MANBA: variants seen among roughly 807,000 people sequenced by gnomAD.
MANBA encodes the protein mannosidase beta.
A neutral mutation model predicts 111.1 loss-of-function variants in MANBA; 83 were observed. That is an observed-to-expected ratio of 0.75 (90% confidence interval 0.63 to 0.90). The LOEUF (loss-of-function observed/expected upper bound fraction) is 0.90, where lower values mean the gene tolerates loss of function less well. MANBA is among the 40% of genes least tolerant of loss of function. The pLI, the probability that MANBA is intolerant of heterozygous loss-of-function variation, is 0.00. For missense variants in MANBA, 1,036 were observed against 1,069.0 expected (o/e 0.97, Z 0.43); for synonymous variants, 370 against 378.7 (o/e 0.98, Z 0.27).
chr4:102,714,400 G>C (rs775693978), intron 5 of MANBA, 38 bp downstream of exon 5: 2 of 1,562,192 alleles, frequency 1.3e-6, no homozygotes, highest in Non-Finnish European at 1.8e-6. Flanking sequence ...ATAACAAGAA[G>C]ACTCAAAAAG....
intron 16 of MANBA, chr4:102,633,555 CG>C (rs1424158761): frequency 2.5e-6 from 1 of 397,284 alleles, no homozygotes; most frequent in Non-Finnish European, 4.4e-6. Flanking sequence ...ATATTAGCCC[CG>C]AATTAAACAT....
At chr4:102,697,967 C>T (rs1732811246) in intron 5 of MANBA, among the ~76,000 whole-genome samples, 1 of 151,654 alleles carries the variant, frequency 6.6e-6, no homozygotes, top group Admixed American at 6.6e-5. Context: ...AGTTTACAGT[C>T]CCACCAACAG....
chr4:102,719,715 A>G (rs1302912664), intron 4 of MANBA, among the ~76,000 whole-genome samples: 1 of 152,258 alleles, frequency 6.6e-6, no homozygotes, highest in Non-Finnish European at 1.5e-5. Flanking sequence ...CTATATCTTC[A>G]TATCAGGGAT....
chr4:102,738,473 G>A (rs1046292374), intron 1 of MANBA, among the ~76,000 whole-genome samples: 4 of 152,180 alleles, frequency 2.6e-5, no homozygotes, highest in Non-Finnish European at 5.9e-5. Context: ...CAGTAGCTCC[G>A]CTGGGTGGCT....
intron 1 of MANBA, among the ~76,000 whole-genome samples, chr4:102,755,141 C>CA (rs1041119863): frequency 6.6e-6 from 1 of 151,854 alleles, no homozygotes; most frequent in African/African-American, 2.4e-5. Context: ...ATATGGAACC[C>CA]AAAAAAAGCC....
intron 5 of MANBA, among the ~76,000 whole-genome samples, chr4:102,704,980 G>A (rs1733231326): frequency 6.6e-6 from 1 of 152,188 alleles, no homozygotes; most frequent in African/African-American, 2.4e-5. Context: ...GCTTCAAGAT[G>A]GCTGACTAGC....
chr4:102,649,775 A>G (rs901329753), intron 13 of MANBA, among the ~76,000 whole-genome samples: 1 of 152,034 alleles, frequency 6.6e-6, no homozygotes, highest in Non-Finnish European at 1.5e-5. Flanking sequence ...TTTCTTTTCT[A>G]GTTAGTGCTT....
At chr4:102,729,875 G>A (rs1722964686) in intron 1 of MANBA, 1 of 1,532,790 alleles carries the variant, frequency 6.5e-7, no homozygotes, top group Middle Eastern at 1.7e-4. Context: ...CAAACTTGTT[G>A]TTGAGGGTCT....
chr4:102,760,839 G>T lies in MANBA; in HGVS notation c.56C>A (p.Ala19Glu). 1 of 1,570,408 alleles carries T rather than the reference G, an allele frequency of 6.4e-7. No homozygotes were observed. Among genetic ancestry groups the T allele is most frequent in the Non-Finnish European group, 8.6e-7 (1 of 1,158,548 alleles). Reference sequence around the variant, plus strand: ...GCCACGCAAGCTGTAACTGAGCTCCGCGGCGGTGGTGCCTGCACCGCACAG... The same window carrying T: ...GCCACGCAAGCTGTAACTGAGCTCCTCGGCGGTGGTGCCTGCACCGCACAG... ...LALCGAGTTAAELSYSLRGNW... is the reference protein window; with the variant it reads ...LALCGAGTTAEELSYSLRGNW... Residue 19 changes from alanine to glutamate, a missense_variant, in exon 1 of 17, where the codon GCG (alanine) becomes GAG (glutamate). Physicochemically the swap from Ala to Glu is moderately radical, Grantham distance 107 (BLOSUM62 -1). Transcript: ENST00000647097.
At chr4:102,635,223 C>T (rs776432931) in intron 15 of MANBA, among the ~76,000 whole-genome samples, 178 bp from the exon 16 acceptor site, 2 of 152,116 alleles carry the variant, frequency 1.3e-5, no homozygotes, top group Non-Finnish European at 2.9e-5. Flanking sequence ...ACTTCTCAGT[C>T]TTCATTTCTT....
At chr4:102,647,397 G>A (rs147065408) in intron 13 of MANBA, among the ~76,000 whole-genome samples, 3 of 151,026 alleles carry the variant, frequency 2.0e-5, no homozygotes, top group African/African-American at 7.3e-5. Context: ...CCACTTGCAT[G>A]CCCAGTTCCT....
chr4:102,652,822 G>A (rs982468378), intron 12 of MANBA, among the ~76,000 whole-genome samples: 10 of 152,168 alleles, frequency 6.6e-5, no homozygotes, highest in Non-Finnish European at 1.0e-4. Flanking sequence ...TTGAGCCCAC[G>A]AGTTTGAGGC....
intron 7 of MANBA, among the ~76,000 whole-genome samples, chr4:102,678,112 A>G (rs892549771): frequency 1.3e-5 from 2 of 152,096 alleles, no homozygotes; most frequent in Non-Finnish European, 2.9e-5. Context: ...TACAAATTGT[A>G]TTAACTATAC....
At chr4:102,746,294 A>C (rs768603942) in intron 1 of MANBA, among the ~76,000 whole-genome samples, 5 of 152,204 alleles carry the variant, frequency 3.3e-5, no homozygotes, top group Non-Finnish European at 7.4e-5. Context: ...AAGGCTGTGC[A>C]TGCACCTTTC....
intron 5 of MANBA, among the ~76,000 whole-genome samples, chr4:102,698,262 T>TGTCA (rs1318889516): frequency 6.6e-6 from 1 of 152,170 alleles, no homozygotes; most frequent in Non-Finnish European, 1.5e-5. Context: ...ATTAGCCCTT[T>TGTCA]GTCAGACGAG....
At chr4:102,744,753 G>T (rs1723531135) in intron 1 of MANBA, among the ~76,000 whole-genome samples, 1 of 152,214 alleles carries the variant, frequency 6.6e-6, no homozygotes, top group East Asian at 1.9e-4. Flanking sequence ...CTTGAACAGG[G>T]ATGTGATGGG....
At chr4:102,653,837 T>C (rs1357781631) in intron 12 of MANBA, among the ~76,000 whole-genome samples, 3 of 152,178 alleles carry the variant, frequency 2.0e-5, no homozygotes, top group Non-Finnish European at 4.4e-5. Flanking sequence ...CACTAATCTT[T>C]CTAAAGCGTG....
At chr4:102,634,245 T>G (rs1442974217) in intron 16 of MANBA, among the ~76,000 whole-genome samples, 1 of 152,198 alleles carries the variant, frequency 6.6e-6, no homozygotes, top group African/African-American at 2.4e-5. Flanking sequence ...TATAAAAAGA[T>G]TTGGTGATTG....
At chr4:102,760,659 C>G in intron 1 of MANBA, 59 bp downstream of exon 1, 1 of 1,479,310 alleles carries the variant, frequency 6.8e-7, no homozygotes. Flanking sequence ...TTCCTGGGCC[C>G]CTCTCAGCAC....
Sources: allele counts gnomAD v4.1 joint callset (sites outside exome capture counted in the v4.1 genomes callset), GRCh38; gene constraint gnomAD v4.1.1; transcripts MANE v1.5; gene names NCBI Gene and HGNC (gene_info 2026-07-23, HGNC 2026-07-21).